Variants in RBFOX2 observed in about 807,000 individuals in gnomAD.
RBFOX2 encodes the protein RNA binding protein fox-1 homolog 2.
In RBFOX2, 10 loss-of-function variants were observed where a neutral mutation model predicts 49.1. The ratio of observed to expected loss-of-function variants is 0.20; its 90% confidence interval spans 0.13 to 0.35. RBFOX2 has a LOEUF of 0.35. Ranked by LOEUF, RBFOX2 falls within the 10% of genes least tolerant of loss-of-function variation. RBFOX2 has a pLI of 1.00. For missense variants in RBFOX2, 323 were observed against 486.9 expected, an observed-to-expected ratio of 0.66 and a Z score of 3.17; for synonymous variants, 183 against 187.4, an observed-to-expected ratio of 0.98 and a Z score of 0.19.
intron 1 of RBFOX2, among the ~76,000 whole-genome samples, chr22:35,969,176 G>A (rs932481043): frequency 1.1e-4 from 16 of 152,006 alleles, no homozygotes; most frequent in Non-Finnish European, 2.1e-4. Flanking sequence ...CCTGCCTCTA[G>A]ATCAGAACTT....
chr22:35,938,782 A>G (rs907019144), intron 1 of RBFOX2, 65 bp downstream of exon 2: 15 of 1,472,978 alleles, frequency 1.0e-5, no homozygotes, highest in Middle Eastern at 1.7e-4. Context: ...TCTCTATCAT[A>G]GCAACCCTTT....
intron 1 of RBFOX2, among the ~76,000 whole-genome samples, chr22:35,989,389 G>A (rs1468253944): frequency 6.6e-6 from 1 of 152,180 alleles, no homozygotes; most frequent in African/African-American, 2.4e-5. Flanking sequence ...AGAAGCCAGG[G>A]GAAGAGCGGC....
intron 1 of RBFOX2, among the ~76,000 whole-genome samples, chr22:36,005,020 C>A (rs1362312949): frequency 6.6e-6 from 1 of 152,206 alleles, no homozygotes; most frequent in African/African-American, 2.4e-5. Context: ...GCTCATTCAA[C>A]TTCCCTTCTC....
rs3075245 is a variant in RBFOX2, at chr22:35,933,926, TTATATATATATATATATA to T, written c.-34+4903_-34+4920del. Among the ~76,000 whole-genome samples, 3 of 118,020 alleles carry T rather than the reference TTATATATATATATATATA, an allele frequency of 2.5e-5. 1 individual carries two copies. Among genetic ancestry groups the T allele is most frequent in the Non-Finnish European group, 1.7e-5 (1 of 59,878 alleles). 77.4% of individuals were successfully genotyped at this position (118,020 alleles called of 152,430 possible). A position where few individuals can be genotyped will look rare whatever the true frequency, so the allele number is the denominator to read the frequency against. On this transcript the variant is annotated intron_variant, in intron 1 of 13. Transcript: ENST00000359369. ...GTTCTTATAATTATATAATTAAATGTTATATATATATATATATATATATATATACACACATCAATGAAA... is the reference window on the plus strand; with the variant it reads ...GTTCTTATAATTATATAATTAAATGTTATATATATACACACATCAATGAAA...
chr22:35,862,722 T>A (rs1452257747), intron 1 of RBFOX2, among the ~76,000 whole-genome samples: 1 of 152,214 alleles, frequency 6.6e-6, no homozygotes, highest in Non-Finnish European at 1.5e-5. Flanking sequence ...TTGATTCGAA[T>A]CTTAGCTCCA....
intron 1 of RBFOX2, among the ~76,000 whole-genome samples, chr22:35,915,468 C>A (rs1339525899): frequency 6.6e-6 from 1 of 152,142 alleles, no homozygotes; most frequent in African/African-American, 2.4e-5. Context: ...AAGCTATGTA[C>A]AAAATACTTT....
intron 1 of RBFOX2, among the ~76,000 whole-genome samples, chr22:35,925,912 G>C (rs949021131): frequency 6.6e-6 from 1 of 152,192 alleles, no homozygotes; most frequent in Non-Finnish European, 1.5e-5. Context: ...TACTTGCTGA[G>C]AGTATTTTCT....
intron 1 of RBFOX2, among the ~76,000 whole-genome samples, chr22:35,900,554 G>C (rs12169298): frequency 0.023 from 3,429 of 149,394 alleles, 142 homozygotes; most frequent in African/African-American, 0.08. Flanking sequence ...CACTGAGGTA[G>C]AGAAATGAGA....
At chr22:35,782,319 T>C (rs1423248400) in intron 2 of RBFOX2, among the ~76,000 whole-genome samples, 1 of 152,168 alleles carries the variant, frequency 6.6e-6, no homozygotes, top group East Asian at 1.9e-4. Flanking sequence ...TAGCAACAAC[T>C]GAAGAAGCTT....
intron 1 of RBFOX2, among the ~76,000 whole-genome samples, chr22:35,850,675 A>G (rs560243153): frequency 1.1e-4 from 16 of 152,310 alleles, no homozygotes; most frequent in South Asian, 6.2e-4. Context: ...ACATATTTCT[A>G]TAACAGATAT....
chr22:36,012,465 G>A (rs187712069), intron 1 of RBFOX2, among the ~76,000 whole-genome samples: 1 of 152,244 alleles, frequency 6.6e-6, no homozygotes, highest in Admixed American at 6.5e-5. Context: ...ACGGAAGCTG[G>A]GTGCAGCTGC....
intron 1 of RBFOX2, among the ~76,000 whole-genome samples, chr22:35,972,648 T>TA (rs1465523361): frequency 6.6e-6 from 1 of 152,080 alleles, no homozygotes; most frequent in Non-Finnish European, 1.5e-5. Flanking sequence ...TAATAAAACA[T>TA]AAGAGTACAC....
At chr22:35,783,717 C>A (rs868298707) in intron 2 of RBFOX2, among the ~76,000 whole-genome samples, 8 of 152,174 alleles carry the variant, frequency 5.3e-5, no homozygotes, top group South Asian at 2.1e-4. Flanking sequence ...AGCCAGGGCC[C>A]CCAGACACCA....
intron 1 of RBFOX2, among the ~76,000 whole-genome samples, chr22:35,928,537 G>T (rs922564110): frequency 6.6e-6 from 1 of 152,178 alleles, no homozygotes; most frequent in Non-Finnish European, 1.5e-5. Context: ...TCAGCAGAGA[G>T]GCAAATGCCT....
intron 1 of RBFOX2, among the ~76,000 whole-genome samples, chr22:35,825,550 A>G (rs968265570): frequency 6.6e-6 from 1 of 152,192 alleles, no homozygotes. Context: ...AAAGATAAAC[A>G]TGGGTTAAAA....
chr22:35,745,269 G>A (rs1387836690), intron 11 of RBFOX2, among the ~76,000 whole-genome samples: 2 of 152,194 alleles, frequency 1.3e-5, no homozygotes, highest in Non-Finnish European at 2.9e-5. Flanking sequence ...GTTGCAGCCT[G>A]TGAGTCCTAA....
rs559736230 is a variant in RBFOX2 at position 35,846,438 on chromosome 22, G to A, written c.-33-36434C>T. Among the ~76,000 whole-genome samples, 72 of 151,372 alleles carry A rather than the reference G, an allele frequency of 4.8e-4. 1 individual carries two copies. The highest frequency in any genetic ancestry group is 3.6e-3 in the South Asian group (17 of 4,780). ...CCTAATATACTCTACAGCATTTTGAGGACCTGAGCATACCTCAATATCAAA... is the reference window on the plus strand; with the variant it reads ...CCTAATATACTCTACAGCATTTTGAAGACCTGAGCATACCTCAATATCAAA... On this transcript the variant is annotated intron_variant, in intron 1 of 13. Transcript: ENST00000359369.
In RBFOX2 at chr22:36,027,928, A is replaced by G. The variant is rs557168021; in HGVS notation, c.186+312T>C. On this transcript the variant is annotated intron_variant, in intron 1 of 13. Transcript: ENST00000438146. ...GATTTCCCGGCTTCCACTCCACCCC[A>G]AGGCACTAAGGAAGGATTTGAAAAA... is the stretch of plus-strand genomic sequence containing the variant. 2.0e-5 allele frequency among the ~76,000 whole-genome samples: 3 copies of G among 151,928 alleles called. No homozygotes were observed. In the South Asian group the frequency reaches 6.3e-4, roughly 32 times the overall value.
chr22:35,922,624 C>T (rs1039616964), intron 1 of RBFOX2, among the ~76,000 whole-genome samples: 2 of 151,266 alleles, frequency 1.3e-5, no homozygotes, highest in African/African-American at 2.4e-5. Context: ...CTATGGGCTA[C>T]TTGTTTTTGT....
Sources: gnomAD v4.1 joint callset for allele counts (sites outside exome capture counted in the v4.1 genomes callset) on GRCh38, gnomAD v4.1.1 for gene constraint, MANE v1.5 for transcripts, NCBI Gene and HGNC (gene_info 2026-07-23, HGNC 2026-07-21) for gene names.